RANBP2: variants seen among roughly 807,000 people sequenced by gnomAD.
The protein encoded by RANBP2 is RAN binding protein 2, also known as E3 SUMO-protein ligase RanBP2.
Under a neutral mutation model 303.6 loss-of-function variants are expected in RANBP2, and 57 were observed. That is an observed-to-expected ratio of 0.19 (90% confidence interval 0.15 to 0.23). The LOEUF (loss-of-function observed/expected upper bound fraction) is 0.23, where lower values mean the gene tolerates loss of function less well. Ranked by LOEUF, RANBP2 falls within the 10% of genes least tolerant of loss-of-function variation. The probability of loss-of-function intolerance (pLI) is 1.00; values close to 1 mark genes in which losing one functional copy is unlikely to be tolerated. For missense variants in RANBP2, 3,138 were observed against 3,780.8 expected (o/e 0.83, Z 4.46); for synonymous variants, 1,167 against 1,301.5 (o/e 0.90, Z 2.23).
the RANBP2 span, among the ~76,000 whole-genome samples, chr2:109,069,816 T>C: frequency 6.6e-6 from 1 of 152,222 alleles, no homozygotes; most frequent in Non-Finnish European, 1.5e-5. Flanking sequence ...CAACAATTAT[T>C]GATCAAATCA....
chr2:109,238,066 C>T, the RANBP2 span, among the ~76,000 whole-genome samples: 1 of 152,076 alleles, frequency 6.6e-6, no homozygotes, highest in South Asian at 2.1e-4. Flanking sequence ...ATTAGCCAAG[C>T]ATGGTGGCAT....
intron 18 of RANBP2, among the ~76,000 whole-genome samples, chr2:108,759,815 G>A (rs1676596793): frequency 6.6e-6 from 1 of 152,136 alleles, no homozygotes; most frequent in Non-Finnish European, 1.5e-5. Context: ...GTTATTTGGT[G>A]CCTTGTGGGT....
the RANBP2 span, among the ~76,000 whole-genome samples, chr2:108,921,936 G>C: frequency 6.6e-6 from 1 of 152,238 alleles, no homozygotes; most frequent in Non-Finnish European, 1.5e-5. Flanking sequence ...GCTTTCCTCG[G>C]AGCCGGCTTT....
the RANBP2 span, among the ~76,000 whole-genome samples, chr2:109,399,859 G>A: frequency 6.6e-6 from 1 of 152,198 alleles, no homozygotes; most frequent in African/African-American, 2.4e-5. Flanking sequence ...ACCTTCTGCA[G>A]GACTGTGGCA....
the RANBP2 span, chr2:109,733,012 T>A: frequency 1.7e-6 from 1 of 580,002 alleles, no homozygotes; most frequent in Non-Finnish European, 3.4e-6. Flanking sequence ...ATGATTATTG[T>A]AGGAGGGGTC....
chr2:109,288,842 A>G, the RANBP2 span, among the ~76,000 whole-genome samples: 4 of 151,908 alleles, frequency 2.6e-5, no homozygotes, highest in Admixed American at 2.6e-4. Flanking sequence ...GGAAATCTTT[A>G]TGCCCATGTG....
the RANBP2 span, chr2:109,129,482 G>C: frequency 4.0e-6 from 6 of 1,494,152 alleles, no homozygotes; most frequent in African/African-American, 8.7e-5. Flanking sequence ...CCGGTGGCGG[G>C]CTCCACGCCG....
chr2:109,337,653 GGCTGTGCCATATGC>G, the RANBP2 span, among the ~76,000 whole-genome samples: 1 of 151,722 alleles, frequency 6.6e-6, no homozygotes, highest in African/African-American at 2.4e-5. Flanking sequence ...CTTCTTGAAT[GGCTGTGCCATATGC>G]TATCAGCATA....
chr2:109,683,770 C>A, the RANBP2 span, among the ~76,000 whole-genome samples: 2 of 152,164 alleles, frequency 1.3e-5, no homozygotes, highest in Non-Finnish European at 2.9e-5. Flanking sequence ...TGTGACTCCT[C>A]AGGGCACTGT....
At chr2:109,117,281 C>T in the RANBP2 span, among the ~76,000 whole-genome samples, 1 of 152,242 alleles carries the variant, frequency 6.6e-6, no homozygotes, top group African/African-American at 2.4e-5. Flanking sequence ...CTGTGGTGGG[C>T]TCCACCCAGT....
the RANBP2 span, among the ~76,000 whole-genome samples, chr2:108,967,149 G>A: frequency 1.3e-5 from 2 of 152,252 alleles, no homozygotes; most frequent in East Asian, 3.9e-4. Context: ...TGGTTAGGCT[G>A]GTTTTGAACT....
chr2:109,041,579 G>T, the RANBP2 span, among the ~76,000 whole-genome samples: 1 of 147,698 alleles, frequency 6.8e-6, no homozygotes, highest in Non-Finnish European at 1.5e-5. Flanking sequence ...CTGCAGTGCA[G>T]TGGCTCGATC....
chr2:109,581,695 CA>C, the RANBP2 span, among the ~76,000 whole-genome samples: 2 of 152,116 alleles, frequency 1.3e-5, no homozygotes, highest in African/African-American at 4.8e-5. Context: ...AACAATCCAA[CA>C]AATAAGTTAA....
At chr2:109,397,643 C>A in the RANBP2 span, among the ~76,000 whole-genome samples, 2 of 152,186 alleles carry the variant, frequency 1.3e-5, no homozygotes, top group Non-Finnish European at 2.9e-5. Context: ...GCCCTGAGGA[C>A]CAGCCCAGGG....
rs1678298893 is a variant in RANBP2, at chr2:108,782,166, G to A, written c.8799G>A (p.Leu2933=). The A allele has an allele frequency of 6.2e-7, 1 of 1,614,096 alleles. No homozygotes were observed. The highest frequency in any genetic ancestry group is 8.5e-7 in the Non-Finnish European group (1 of 1,179,992). The change falls in exon 27 of 29, where the codon TTG becomes TTA. Residue 2933 remains leucine (L), a synonymous_variant. Coordinates refer to ENST00000283195, the MANE Select transcript of RANBP2 (RefSeq NM_006267.5). ...CTGGAGAAGAAGATGAAGAAATTTT[G>A]TTTAAAGAGAGAGCCAAACTTTATA... ...VKSGEEDEEI[L]FKERAKLYRW...
At chr2:109,191,550 C>A in the RANBP2 span, among the ~76,000 whole-genome samples, 1 of 152,222 alleles carries the variant, frequency 6.6e-6, no homozygotes, top group Admixed American at 6.5e-5. Flanking sequence ...TCTGCTCAGG[C>A]TTGACGCTGC....
chr2:109,055,231 T>C, the RANBP2 span, among the ~76,000 whole-genome samples: 1 of 152,330 alleles, frequency 6.6e-6, no homozygotes, highest in East Asian at 1.9e-4. Flanking sequence ...TGTGCCCCTT[T>C]TAAAGAATTG....
the RANBP2 span, among the ~76,000 whole-genome samples, chr2:109,042,776 A>AT: frequency 1.1e-4 from 16 of 152,238 alleles, no homozygotes; most frequent in Non-Finnish European, 2.1e-4. Flanking sequence ...CCTAATAACC[A>AT]TTGTGATCAT....
chr2:109,048,655 T>TG, the RANBP2 span, among the ~76,000 whole-genome samples: 2 of 2,774 alleles, frequency 7.2e-4, no homozygotes, highest in African/African-American at 8.5e-4. Context: ...AAAATCAATC[T>TG]TTTTTTGGAA....
Sources: gnomAD v4.1 joint callset for allele counts (sites outside exome capture counted in the v4.1 genomes callset) on GRCh38, gnomAD v4.1.1 for gene constraint, MANE v1.5 for transcripts, NCBI Gene and HGNC (gene_info 2026-07-23, HGNC 2026-07-21) for gene names.